NIBAN1: variants seen among roughly 807,000 people sequenced by gnomAD.
NIBAN1 encodes the protein protein Niban 1.
NIBAN1 carries 81 observed loss-of-function variants against 75.1 expected under a neutral mutation model. That is an observed-to-expected ratio of 1.08 (90% CI 0.90 to 1.30). NIBAN1 has a LOEUF of 1.30. Among genes scored for constraint, NIBAN1 ranks in the 50% most tolerant of loss-of-function variants. NIBAN1 has a pLI of 0.00. For synonymous variants in NIBAN1, 436 were observed against 424.8 expected (o/e 1.03, Z -0.32); for missense variants, 1,133 against 1,128.1 (o/e 1.00, Z -0.06).
intron 1 of NIBAN1, among the ~76,000 whole-genome samples, chr1:184,914,781 C>T (rs1009934497): frequency 5.4e-5 from 8 of 149,442 alleles, no homozygotes; most frequent in African/African-American, 7.4e-5. Context: ...AGTACAGTGG[C>T]GTGATCTCGC....
In NIBAN1 at chr1:184,974,401, G is replaced by A. The variant is rs1030889462; in HGVS notation, c.-45C>T. 2.0e-6 allele frequency: 3 copies of A among 1,537,620 alleles called. No individual in the cohort carries two copies. In the Admixed American group the frequency reaches 5.9e-5, roughly 30 times the overall value. Reference sequence around the variant, plus strand: ...TGAGCGCGGAAACTGCCCGGTCCGCGCCCGCTGCTAGCTCCTGGAGGTTGA... The same window carrying A: ...TGAGCGCGGAAACTGCCCGGTCCGCACCCGCTGCTAGCTCCTGGAGGTTGA... On this transcript the variant is annotated 5_prime_UTR_variant, in exon 1 of 14. Coordinates refer to ENST00000367511, the MANE Select transcript of NIBAN1 (RefSeq NM_052966.4).
chr1:184,879,258 A>T (rs1342362627), intron 5 of NIBAN1, among the ~76,000 whole-genome samples: 1 of 152,214 alleles, frequency 6.6e-6, no homozygotes, highest in Non-Finnish European at 1.5e-5. Context: ...GCATTCAAAG[A>T]TATGTTCATG....
At chr1:184,900,802 G>C (rs571062341) in intron 1 of NIBAN1, among the ~76,000 whole-genome samples, 4 of 152,280 alleles carry the variant, frequency 2.6e-5, no homozygotes, top group African/African-American at 7.2e-5. Context: ...GATTGTGCTC[G>C]TAAGCGATGA....
intron 1 of NIBAN1, among the ~76,000 whole-genome samples, chr1:184,941,055 T>C (rs1197718464): frequency 6.6e-6 from 1 of 152,160 alleles, no homozygotes; most frequent in Non-Finnish European, 1.5e-5. Context: ...ATACATTGCA[T>C]TGACTCTGAA....
chr1:184,965,191 C>T (rs1230647226), intron 1 of NIBAN1, among the ~76,000 whole-genome samples: 2 of 151,720 alleles, frequency 1.3e-5, no homozygotes, highest in African/African-American at 4.8e-5. Flanking sequence ...CCCAGCTACT[C>T]GAGAGGCTGA....
At chr1:184,837,964 C>G (rs1355995369) in intron 5 of NIBAN1, among the ~76,000 whole-genome samples, 1 of 152,154 alleles carries the variant, frequency 6.6e-6, no homozygotes, top group Non-Finnish European at 1.5e-5. Flanking sequence ...TCAAATTTAT[C>G]TATATCTTCC....
At chr1:184,960,697 C>T (rs1030595778) in intron 1 of NIBAN1, among the ~76,000 whole-genome samples, 3 of 152,030 alleles carry the variant, frequency 2.0e-5, no homozygotes, top group Non-Finnish European at 2.9e-5. Flanking sequence ...GGCACAGTCT[C>T]GGCTCACTGC....
rs58483276 is a variant in NIBAN1 at position 184,827,560 on chromosome 1, G to GTTT, written c.718-3821_718-3819dup. Among the ~76,000 whole-genome samples the GTTT allele has an allele frequency of 8.5e-4, 100 of 117,676 alleles. 2 individuals are homozygous for GTTT. Among genetic ancestry groups the GTTT allele is most frequent in the African/African-American group, 3.7e-3 (96 of 26,084 alleles). 77.2% of individuals were successfully genotyped at this position (117,676 alleles called of 152,430 possible). A position where few individuals can be genotyped will look rare whatever the true frequency, so the allele number is the denominator to read the frequency against. Reference sequence around the variant, plus strand: ...ACATAAGTGACCTAAAAATACTTCAGTTTTTTTTTTTTTTAATGGGGGGTG... The same window carrying GTTT: ...ACATAAGTGACCTAAAAATACTTCAGTTTTTTTTTTTTTTTTTAATGGGGGGTG... On this transcript the variant is annotated intron_variant, in intron 6 of 13. Transcript: ENST00000367511.
chr1:184,807,148 G>A (rs112008224), intron 10 of NIBAN1, among the ~76,000 whole-genome samples: 113 of 152,246 alleles, frequency 7.4e-4, no homozygotes, highest in African/African-American at 2.6e-3. Context: ...TCCCTGAAGT[G>A]GGATCTGGTA....
At chr1:184,871,969 AAC>A (rs1296504050) in intron 5 of NIBAN1, among the ~76,000 whole-genome samples, 2 of 152,132 alleles carry the variant, frequency 1.3e-5, no homozygotes, top group Admixed American at 1.3e-4. Flanking sequence ...AGTAAGAGGA[AAC>A]ACAAATCCTC....
chr1:184,922,688 C>A (rs1212374341), intron 1 of NIBAN1, among the ~76,000 whole-genome samples: 3 of 152,192 alleles, frequency 2.0e-5, no homozygotes, highest in South Asian at 2.1e-4. Context: ...CTTACTGCAA[C>A]CTCTGCCTCC....
chr1:184,874,274 GT>G (rs1213935165), intron 5 of NIBAN1, among the ~76,000 whole-genome samples: 1 of 151,974 alleles, frequency 6.6e-6, no homozygotes, highest in African/African-American at 2.4e-5. Flanking sequence ...GGTGGGATAT[GT>G]AGAAAACACA....
chr1:184,827,539 A>C (rs992274468), intron 6 of NIBAN1, among the ~76,000 whole-genome samples: 8 of 149,288 alleles, frequency 5.4e-5, no homozygotes, highest in Admixed American at 4.8e-4. Context: ...ATTTTAACAT[A>C]AGTGACCTAA....
chr1:184,974,220 C>A, intron 1 of NIBAN1, 82 bp downstream of exon 1: 1 of 1,345,712 alleles, frequency 7.4e-7, no homozygotes, highest in South Asian at 1.6e-5. Flanking sequence ...GCCCGGGGCG[C>A]GCCCCTTGGG....
intron 1 of NIBAN1, among the ~76,000 whole-genome samples, chr1:184,933,778 T>G (rs1043555947): frequency 6.6e-6 from 1 of 152,260 alleles, no homozygotes; most frequent in Non-Finnish European, 1.5e-5. Flanking sequence ...GAATTGAATC[T>G]TATACAGTCT....
chr1:184,967,615 G>A (rs1054449249), intron 1 of NIBAN1, among the ~76,000 whole-genome samples: 1 of 152,094 alleles, frequency 6.6e-6, no homozygotes, highest in Non-Finnish European at 1.5e-5. Context: ...TTACAATAAA[G>A]TAAAAAGCTC....
At chr1:184,833,480 G>A (rs1483163022) in intron 5 of NIBAN1, among the ~76,000 whole-genome samples, 1 of 151,704 alleles carries the variant, frequency 6.6e-6, no homozygotes, top group Admixed American at 6.6e-5. Context: ...GGCCAAGGAT[G>A]GAGGATCACT....
Position 184,877,828 on chromosome 1 carries a change from C to T in NIBAN1, c.601+6805G>A, listed in dbSNP as rs529117277. ...ACCCAAAACTTGAAAGCTATTCAGG[C>T]TTTGCCACAGTTGATTATAGTAATA... On this transcript the variant is annotated intron_variant, in intron 5 of 13. Transcript: ENST00000367511. Among the ~76,000 whole-genome samples the T allele has an allele frequency of 2.2e-3, 338 of 152,242 alleles. 1 individual carries two copies. Among genetic ancestry groups the T allele is most frequent in the African/African-American group, 7.8e-3 (325 of 41,542 alleles).
At chr1:184,934,592 C>A (rs566730254) in intron 1 of NIBAN1, among the ~76,000 whole-genome samples, 12 of 152,126 alleles carry the variant, frequency 7.9e-5, no homozygotes, top group Admixed American at 6.5e-4. Flanking sequence ...AGTAAGACTC[C>A]ATCTCTACAA....
Sources: gnomAD v4.1 joint callset for allele counts (sites outside exome capture counted in the v4.1 genomes callset) on GRCh38, gnomAD v4.1.1 for gene constraint, MANE v1.5 for transcripts, NCBI Gene and HGNC (gene_info 2026-07-23, HGNC 2026-07-21) for gene names.